PLCH2: variants seen among roughly 807,000 people sequenced by gnomAD.
PLCH2 encodes phospholipase C eta 2.
Under a neutral mutation model 134.7 loss-of-function variants are expected in PLCH2, and 98 were observed. The observed-to-expected ratio is 0.73, with a 90% CI of 0.62 to 0.86. The LOEUF is 0.86. Among genes scored for constraint, PLCH2 ranks in the 40% least tolerant of loss-of-function variants. PLCH2 has a pLI of 0.00. For synonymous variants in PLCH2, 974 were observed against 827.5 expected, an observed-to-expected ratio of 1.18 and a Z score of -3.04; for missense variants, 1,994 against 1,986.6, an observed-to-expected ratio of 1.00 and a Z score of -0.07.
intron 4 of PLCH2, among the ~76,000 whole-genome samples, chr1:2,481,148 CCCTGCCAGCT>C (rs555526725): frequency 3.9e-4 from 60 of 152,384 alleles, no homozygotes; most frequent in Non-Finnish European, 6.0e-4. Flanking sequence ...CGTGTCCAGC[CCCTGCCAGCT>C]CCTGCCAGCT....
intron 1 of PLCH2, among the ~76,000 whole-genome samples, chr1:2,428,855 G>A (rs1423843027): frequency 2.0e-5 from 3 of 152,382 alleles, no homozygotes; most frequent in Middle Eastern, 3.4e-3. Flanking sequence ...AGGGCAGTGC[G>A]GTGAGAGGCT....
chr1:2,452,923 G>A (rs971438717), intron 2 of PLCH2, among the ~76,000 whole-genome samples: 3 of 152,218 alleles, frequency 2.0e-5, no homozygotes, highest in African/African-American at 7.2e-5. Flanking sequence ...GTTGGCACCT[G>A]GTCCTGGCTT....
intron 4 of PLCH2, among the ~76,000 whole-genome samples, chr1:2,481,637 C>T (rs1183161938): frequency 4.6e-5 from 7 of 152,216 alleles, no homozygotes; most frequent in Middle Eastern, 3.2e-3. Context: ...CCCAGGCAGG[C>T]GGAAGCAGGG....
chr1:2,456,496 G>A (rs978582748), intron 2 of PLCH2, among the ~76,000 whole-genome samples: 4 of 152,238 alleles, frequency 2.6e-5, no homozygotes, highest in Admixed American at 6.5e-5. Flanking sequence ...AGTTGTCACC[G>A]TCACTGTCAC....
At chr1:2,497,159 C>A in intron 15 of PLCH2, 149 bp downstream of exon 15, 1 of 791,552 alleles carries the variant, frequency 1.3e-6, no homozygotes, top group Non-Finnish European at 2.0e-6. Context: ...CTGTGGCATG[C>A]TGCCGACACC....
Position 2,444,889 on chromosome 1 carries a change from G to A in PLCH2, c.115+14260G>A, listed in dbSNP as rs929632011. Among the ~76,000 whole-genome samples, 3 of 152,088 alleles carry A rather than the reference G, an allele frequency of 2.0e-5. No individual in the cohort carries two copies. The highest frequency in any genetic ancestry group is 4.4e-5 in the Non-Finnish European group (3 of 67,998). Reference sequence around the variant, plus strand: ...ACACCCCTGACTTGGGGAGCCCATGGTGTCTGCCTGCCTGGGTGTCTGATC... The same window carrying A: ...ACACCCCTGACTTGGGGAGCCCATGATGTCTGCCTGCCTGGGTGTCTGATC... On this transcript the variant is annotated intron_variant, in intron 2 of 3. Transcript: ENST00000609981. This position sits in a 1 kb window ranked among gnomAD's most constrained non-coding sequence, Gnocchi z 4.6.
chr1:2,492,397 G>A (rs1023979116), intron 11 of PLCH2: 12 of 152,202 alleles, frequency 7.9e-5, no homozygotes, highest in African/African-American at 2.9e-4. Flanking sequence ...GGCTCTGCTG[G>A]GCAGCCAGCT....
Position 2,502,343 on chromosome 1 carries a change from C to T in PLCH2, c.2893C>T (p.Pro965Ser). ...GSKGVADDVV[P>S]PGPGPAPEAP... ...CAAGGGGGTGGCAGACGATGTGGTG[C>T]CCCCCGGGCCCGGACCTGCTCCGGA... Residue 965 changes from proline (P) to serine (S), a missense_variant, in exon 21 of 22, where the codon CCC (proline) becomes TCC (serine). Pro to Ser is a moderately conservative substitution (Grantham distance 74). Coordinates refer to ENST00000378486, the MANE Select transcript of PLCH2 (RefSeq NM_014638.4). 2.0e-6 allele frequency: 3 copies of T among 1,534,160 alleles called. No homozygotes were observed. The highest frequency in any genetic ancestry group is 2.0e-4 in the Middle Eastern group (1 of 5,068).
At chr1:2,497,326 G>A (rs1248169490) in intron 15 of PLCH2, among the ~76,000 whole-genome samples, 176 bp from the exon 16 acceptor site, 7 of 152,248 alleles carry the variant, frequency 4.6e-5, no homozygotes, top group African/African-American at 1.7e-4. Flanking sequence ...AGGATGTGCT[G>A]GCCTCAGTCC....
chr1:2,430,610 C>G (rs999773443), exon 2 of PLCH2: 2 of 134,638 alleles, frequency 1.5e-5, no homozygotes, highest in African/African-American at 5.2e-5. Flanking sequence ...TTTTCTTGAG[C>G]GCCAACATTC....
chr1:2,438,352 C>T (rs1639531632), intron 2 of PLCH2, among the ~76,000 whole-genome samples: 1 of 152,200 alleles, frequency 6.6e-6, no homozygotes. Context: ...AGTCTCTGCC[C>T]CTTGGCACCC....
rs560431514 is a variant in PLCH2 at position 2,504,996 on chromosome 1, G to T, written c.4034G>T (p.Arg1345Leu). ...VRRSSSRSHS[R>L]VRAIASRARQ... ...CGCTCCTCCTCCCGCAGCCACAGCC[G>T]CGTGCGTGCCATTGCCAGCCGGGCC... Residue 1345 changes from arginine to leucine, a missense_variant, in exon 22 of 22, where the codon CGC becomes CTC. Coordinates refer to ENST00000378486, the MANE Select transcript of PLCH2 (RefSeq NM_014638.4). The T allele has an allele frequency of 1.3e-6, 2 of 1,547,148 alleles. No homozygotes were observed. Among genetic ancestry groups the T allele is most frequent in the Admixed American group, 1.9e-5 (1 of 51,858 alleles).
chr1:2,502,169 C>T lies in PLCH2; in HGVS notation c.2719C>T (p.Leu907=), dbSNP rs946429706. 2 of 1,511,694 alleles carry T rather than the reference C, an allele frequency of 1.3e-6. No homozygotes were observed. Among genetic ancestry groups the T allele is most frequent in the Non-Finnish European group, 1.8e-6 (2 of 1,133,438 alleles). The allele number at this position is 1,511,694 out of a possible 1,614,324, so 93.6% of individuals were successfully genotyped here. Residue 907 remains leucine (L), a synonymous_variant, in exon 21 of 22, where the codon CTG becomes TTG. Transcript: ENST00000378486. ...CCTCCGAGGCCCAAAGCCCGGCTCGCTGGACAGTCATGCTGCTGGGCGGCC... is the reference window on the plus strand; with the variant it reads ...CCTCCGAGGCCCAAAGCCCGGCTCGTTGGACAGTCATGCTGCTGGGCGGCC... ...LFLRGPKPGS[L]DSHAAGRPPA...
At chr1:2,456,495 C>T (rs1439334929) in intron 2 of PLCH2, among the ~76,000 whole-genome samples, 2 of 152,242 alleles carry the variant, frequency 1.3e-5, no homozygotes, top group South Asian at 2.1e-4. Flanking sequence ...CAGTTGTCAC[C>T]GTCACTGTCA....
chr1:2,483,764 TG>T (rs33969102), intron 4 of PLCH2, among the ~76,000 whole-genome samples: 9,185 of 31,604 alleles, frequency 0.29, 716 homozygotes, highest in Non-Finnish European at 0.32. Flanking sequence ...GACCCCCGTT[TG>T]GGGGGGCGCT....
chr1:2,448,123 A>G lies in PLCH2; in HGVS notation c.115+17494A>G, dbSNP rs531928690. On this transcript the variant is annotated intron_variant, in intron 2 of 3. Coordinates refer to the PLCH2 transcript ENST00000609981. This position sits in a 1 kb window ranked among gnomAD's most constrained non-coding sequence, Gnocchi z 4.0. Reference sequence around the variant, plus strand: ...CCCTTGTCAGGAACGCTTTGCTGACAGCTGGGCTGCCCTTGCCCTCCTGGA... The same window carrying G: ...CCCTTGTCAGGAACGCTTTGCTGACGGCTGGGCTGCCCTTGCCCTCCTGGA... Among the ~76,000 whole-genome samples the G allele has an allele frequency of 3.9e-5, 6 of 152,334 alleles. No individual in the cohort carries two copies. The highest frequency in any genetic ancestry group is 1.4e-4 in the African/African-American group (6 of 41,588).
chr1:2,452,922 T>A (rs574331091), intron 2 of PLCH2, among the ~76,000 whole-genome samples: 6 of 152,304 alleles, frequency 3.9e-5, no homozygotes, highest in African/African-American at 1.2e-4. Flanking sequence ...TGTTGGCACC[T>A]GGTCCTGGCT....
chr1:2,475,497 C>T (rs778599718), upstream of PLCH2, among the ~76,000 whole-genome samples: 4 of 152,242 alleles, frequency 2.6e-5, no homozygotes, highest in Non-Finnish European at 5.9e-5. Context: ...AGAGCCTGTG[C>T]TGTCCTGTAG....
In PLCH2 at chr1:2,476,729, G is replaced by C; in HGVS notation, c.124+17G>C. 6.3e-7 allele frequency: 1 copy of C among 1,596,220 alleles called. No individual in the cohort carries two copies. Among genetic ancestry groups the C allele is most frequent in the East Asian group, 2.2e-5 (1 of 44,556 alleles). On this transcript the variant is annotated intron_variant, in intron 1 of 21. Transcript: ENST00000378486. The stretch of plus-strand genomic sequence containing the variant: ...GCCCCCTGGGTAAGAAGGGGCAGGC[G>C]AGTGGCCTGGGCTGAGTGCTGGCCC...
Sources: allele counts gnomAD v4.1 joint callset (sites outside exome capture counted in the v4.1 genomes callset), GRCh38; gene constraint gnomAD v4.1.1; non-coding constraint Gnocchi (gnomAD v3.1); transcripts MANE v1.5; gene names NCBI Gene and HGNC (gene_info 2026-07-23, HGNC 2026-07-21).